Variants in ADAMTS17 observed in about 807,000 individuals in gnomAD.
The protein encoded by ADAMTS17 is A disintegrin and metalloproteinase with thrombospondin motifs 17.
ADAMTS17 carries 113 observed loss-of-function variants against 141.5 expected under a neutral mutation model. That is an observed-to-expected ratio of 0.80 (90% CI 0.69 to 0.93). The LOEUF (loss-of-function observed/expected upper bound fraction) is 0.93. Ranked by LOEUF, ADAMTS17 falls within the 40% of genes least tolerant of loss-of-function variation. The probability of loss-of-function intolerance (pLI) is 0.00; values close to 1 mark genes in which losing one functional copy is unlikely to be tolerated. For synonymous variants in ADAMTS17, 768 were observed against 630.6 expected (o/e 1.22, Z -3.27); for missense variants, 1,659 against 1,517.9 (o/e 1.09, Z -1.54).
chr15:100,068,602 G>A (rs539109151), intron 15 of ADAMTS17, among the ~76,000 whole-genome samples: 92 of 152,324 alleles, frequency 6.0e-4, no homozygotes, highest in Non-Finnish European at 1.0e-3. Flanking sequence ...ACCAATATCC[G>A]TTGTTCTGCA....
In ADAMTS17 at chr15:100,110,452, G is replaced by T. The variant is rs561667226; in HGVS notation, c.1889-1336C>A. ...GCTAATTTTTTGTATTTTCAGTAGA[G>T]ACACCGTTTCACCGTGTTAGCCAGG... On this transcript the variant is annotated intron_variant, in intron 13 of 21. Transcript: ENST00000268070. Among the ~76,000 whole-genome samples, 4 of 151,624 alleles carry T rather than the reference G, an allele frequency of 2.6e-5. No homozygotes were observed. In the South Asian group the frequency reaches 8.4e-4, roughly 32 times the overall value.
chr15:100,220,688 G>A (rs767341330), intron 7 of ADAMTS17, among the ~76,000 whole-genome samples: 1 of 151,936 alleles, frequency 6.6e-6, no homozygotes, highest in East Asian at 1.9e-4. Context: ...CCTCCTCCCC[G>A]AGCCCCTGGC....
At chr15:100,108,149 G>GCTTC (rs1300013974) in intron 14 of ADAMTS17, among the ~76,000 whole-genome samples, 1 of 151,938 alleles carries the variant, frequency 6.6e-6, no homozygotes, top group Non-Finnish European at 1.5e-5. Context: ...TGGAGGGTAA[G>GCTTC]CTTCCTTCCT....
At chr15:100,180,542 T>C (rs2040487818) in intron 8 of ADAMTS17, among the ~76,000 whole-genome samples, 1 of 152,228 alleles carries the variant, frequency 6.6e-6, no homozygotes, top group Admixed American at 6.5e-5. Flanking sequence ...ATTTTTTTTC[T>C]ATCTCTGTGA....
intron 10 of ADAMTS17, among the ~76,000 whole-genome samples, chr15:100,145,610 G>T (rs2038863641): frequency 6.6e-6 from 1 of 152,126 alleles, no homozygotes; most frequent in Non-Finnish European, 1.5e-5. Flanking sequence ...GCCTCACGAA[G>T]ACACACATCT....
chr15:100,231,496 G>A (rs2042480246), intron 7 of ADAMTS17, among the ~76,000 whole-genome samples: 1 of 152,198 alleles, frequency 6.6e-6, no homozygotes, highest in Non-Finnish European at 1.5e-5. Flanking sequence ...CATGAATGAG[G>A]AAGAAAAGAA....
intron 4 of ADAMTS17, among the ~76,000 whole-genome samples, chr15:100,263,295 C>T (rs377134075): frequency 1.3e-5 from 2 of 152,118 alleles, no homozygotes; most frequent in African/African-American, 4.8e-5. Flanking sequence ...ACCAGTTCAT[C>T]GAGGTAAAGC....
At chr15:100,102,819 G>A (rs2036198151) in intron 14 of ADAMTS17, among the ~76,000 whole-genome samples, 1 of 152,118 alleles carries the variant, frequency 6.6e-6, no homozygotes, top group Non-Finnish European at 1.5e-5. Flanking sequence ...TTACTTGACA[G>A]CCCGTCAAGC....
intron 7 of ADAMTS17, among the ~76,000 whole-genome samples, chr15:100,215,123 C>G (rs995967684): frequency 1.3e-5 from 2 of 152,198 alleles, no homozygotes; most frequent in African/African-American, 4.8e-5. Context: ...TGGCAGGTTC[C>G]GGCTACAGCC....
At chr15:100,230,801 A>AC (rs2042456785) in intron 7 of ADAMTS17, among the ~76,000 whole-genome samples, 1 of 73,580 alleles carries the variant, frequency 1.4e-5, no homozygotes, top group African/African-American at 4.1e-5. Flanking sequence ...ACACACACAC[A>AC]CCTAGCTTCG....
At position 99,982,498 on chromosome 15, in the gene ADAMTS17, G is replaced by T. The variant is rs919769416; in HGVS notation, c.2950-6276C>A. On this transcript the variant is annotated intron_variant, in intron 20 of 21. Coordinates refer to ENST00000268070, the MANE Select transcript of ADAMTS17 (RefSeq NM_139057.4). ...ACCCTCGTAACCTGAGCTGGGCCATGGTGGGCGCACGGGGTGAATTCCTTC... is the reference window on the plus strand; with the variant it reads ...ACCCTCGTAACCTGAGCTGGGCCATTGTGGGCGCACGGGGTGAATTCCTTC... Among the ~76,000 whole-genome samples the T allele has an allele frequency of 2.0e-5, 3 of 152,216 alleles. No homozygotes were observed. In the South Asian group the frequency reaches 6.2e-4, roughly 32 times the overall value.
At chr15:100,274,849 TC>T (rs35200903) in intron 4 of ADAMTS17, among the ~76,000 whole-genome samples, 17,436 of 152,192 alleles carry the variant, frequency 0.11, 1,076 homozygotes, top group Non-Finnish European at 0.14. Flanking sequence ...AATTCCCTTT[TC>T]ATTTGCTTTT....
At chr15:100,273,804 G>A (rs2043991417) in intron 4 of ADAMTS17, among the ~76,000 whole-genome samples, 2 of 152,208 alleles carry the variant, frequency 1.3e-5, no homozygotes, top group Admixed American at 1.3e-4. Context: ...CTTTTTAAGT[G>A]TTTACCGCTA....
intron 3 of ADAMTS17, among the ~76,000 whole-genome samples, chr15:100,295,801 T>C (rs560274261): frequency 2.6e-5 from 4 of 152,238 alleles, no homozygotes; most frequent in South Asian, 4.1e-4. Flanking sequence ...CAAGCTGACA[T>C]AGAGAAGGTC....
chr15:99,986,531 A>G lies in ADAMTS17; in HGVS notation c.2949+6517T>C, dbSNP rs4965550. On this transcript the variant is annotated intron_variant, in intron 20 of 21. Coordinates refer to ENST00000268070, the MANE Select transcript of ADAMTS17 (RefSeq NM_139057.4). The stretch of plus-strand genomic sequence containing the variant: ...TGGCTTGGGCTGTCAGGGTGCTCAG[A>G]GGCCTTGCAAGTCAGATCAGCCCCT... Among the ~76,000 whole-genome samples the G allele has an allele frequency of 1.6e-3, 250 of 152,320 alleles. 8 individuals are homozygous for G. The highest frequency in any genetic ancestry group is 0.015 in the Admixed American group (224 of 15,300).
intron 7 of ADAMTS17, among the ~76,000 whole-genome samples, chr15:100,229,285 C>G (rs1055684973): frequency 6.6e-6 from 1 of 151,932 alleles, no homozygotes; most frequent in South Asian, 2.1e-4. Context: ...CTCCCCACCC[C>G]CTCCCCACAT....
intron 12 of ADAMTS17, among the ~76,000 whole-genome samples, chr15:100,121,005 A>C (rs1301742078): frequency 6.6e-6 from 1 of 152,258 alleles, no homozygotes; most frequent in Non-Finnish European, 1.5e-5. Flanking sequence ...CATAATGAGA[A>C]TATCAATAAA....
At chr15:100,127,521 G>A (rs1017160214) in intron 12 of ADAMTS17, among the ~76,000 whole-genome samples, 2 of 152,194 alleles carry the variant, frequency 1.3e-5, no homozygotes, top group Admixed American at 1.3e-4. Context: ...GTGGCCTGCC[G>A]CTGCCTCGTG....
chr15:100,325,394 G>C (rs2045867926), intron 3 of ADAMTS17, among the ~76,000 whole-genome samples: 1 of 152,166 alleles, frequency 6.6e-6, no homozygotes, highest in African/African-American at 2.4e-5. Flanking sequence ...CCAATGACTG[G>C]GATCCTCCTA....
Sources: allele counts gnomAD v4.1 joint callset (sites outside exome capture counted in the v4.1 genomes callset), GRCh38; gene constraint gnomAD v4.1.1; transcripts MANE v1.5; gene names NCBI Gene and HGNC (gene_info 2026-07-23, HGNC 2026-07-21).